The following POLN variants were observed in gnomAD, a reference collection of about 807,000 sequenced individuals.
POLN encodes DNA polymerase nu, also known as DNA polymerase N.
In POLN, 108 loss-of-function variants were observed where a neutral mutation model predicts 113.5. That is an observed-to-expected ratio of 0.95 (90% CI 0.81 to 1.12). The LOEUF (loss-of-function observed/expected upper bound fraction) is 1.12, where lower values mean the gene tolerates loss of function less well. Ranked by LOEUF, POLN falls within the 50% of genes most tolerant of loss-of-function variation. The pLI is 0.00. For synonymous variants in POLN, 386 were observed against 391.5 expected (o/e 0.99, Z 0.17); for missense variants, 1,097 against 1,077.1 (o/e 1.02, Z -0.26).
At chr4:2,077,905 C>T (rs1382381629) in intron 23 of POLN, among the ~76,000 whole-genome samples, 1 of 152,156 alleles carries the variant, frequency 6.6e-6, no homozygotes, top group African/African-American at 2.4e-5. Context: ...TGTTGTGTTC[C>T]GGAAGGGAGT....
chr4:2,211,125 C>CCCAGCTA, intron 4 of POLN, among the ~76,000 whole-genome samples: 1 of 147,722 alleles, frequency 6.8e-6, no homozygotes, highest in East Asian at 2.0e-4. Flanking sequence ...GTGGTGGGCA[C>CCCAGCTA]CTGTAATCCC....
At chr4:2,195,849 A>C (rs764854918) in intron 6 of POLN, among the ~76,000 whole-genome samples, 1 of 152,214 alleles carries the variant, frequency 6.6e-6, no homozygotes, top group Non-Finnish European at 1.5e-5. Context: ...TAGCCACTAA[A>C]TGTGGAAGAA....
intron 2 of POLN, among the ~76,000 whole-genome samples, chr4:2,239,592 T>C (rs975341551): frequency 3.3e-5 from 5 of 152,206 alleles, no homozygotes; most frequent in African/African-American, 1.2e-4. Context: ...GCAATACATC[T>C]ATCCATATAT....
intron 19 of POLN, among the ~76,000 whole-genome samples, chr4:2,123,123 A>C (rs577782945): frequency 1.3e-5 from 2 of 152,140 alleles, no homozygotes; most frequent in South Asian, 4.2e-4. Context: ...AGTGGGAGTG[A>C]GCCACTGCAT....
intron 16 of POLN, among the ~76,000 whole-genome samples, chr4:2,148,683 AG>A (rs1296776935): frequency 6.9e-6 from 1 of 145,800 alleles, no homozygotes; most frequent in Non-Finnish European, 1.5e-5. Flanking sequence ...AAAAAAAAAA[AG>A]TATGTGAATA....
chr4:2,129,100 C>A, intron 18 of POLN, 79 bp downstream of exon 18: 16 of 901,116 alleles, frequency 1.8e-5, no homozygotes, highest in Middle Eastern at 2.3e-4. Context: ...AGAATGAATT[C>A]CATAAGTACC....
chr4:2,096,414 C>G (rs527276923), intron 19 of POLN, among the ~76,000 whole-genome samples: 1 of 152,266 alleles, frequency 6.6e-6, no homozygotes, highest in South Asian at 2.1e-4. Flanking sequence ...CTACAGCATT[C>G]AGATAGAATA....
intron 6 of POLN, 92 bp from the exon 7 acceptor site, chr4:2,193,408 A>AAGTGATAG: frequency 5.4e-6 from 4 of 737,238 alleles, no homozygotes; most frequent in Non-Finnish European, 8.9e-6. Context: ...AACAGCTATC[A>AAGTGATAG]CTTAGATAGC....
chr4:2,073,291 T>A (rs1407175345), intron 24 of POLN, among the ~76,000 whole-genome samples: 1 of 152,192 alleles, frequency 6.6e-6, no homozygotes, highest in Non-Finnish European at 1.5e-5. Flanking sequence ...TGGCCCTCGC[T>A]GCAGCCCCTC....
At chr4:2,229,000 C>A (rs991847125) in intron 3 of POLN, 99 bp downstream of exon 3, 4 of 1,214,510 alleles carry the variant, frequency 3.3e-6, no homozygotes, top group Admixed American at 2.5e-5. Flanking sequence ...GGGAGCTGGG[C>A]TTCATCTGTC....
intron 20 of POLN, chr4:2,090,765 A>G (rs1730646281): frequency 5.5e-6 from 1 of 180,242 alleles, no homozygotes; most frequent in Middle Eastern, 2.3e-3. Flanking sequence ...TAGTGGGAAA[A>G]CACTGAAATC....
intron 3 of POLN, 195 bp downstream of exon 3, chr4:2,228,904 T>A (rs1404999709): frequency 2.2e-6 from 1 of 452,856 alleles, no homozygotes; most frequent in South Asian, 4.3e-5. Flanking sequence ...GAAGAGAGTG[T>A]TACATTTTTA....
At chr4:2,080,081 G>A in intron 23 of POLN, 1 of 985,572 alleles carries the variant, frequency 1.0e-6, no homozygotes, top group Non-Finnish European at 1.2e-6. Flanking sequence ...GTGTCAGAGG[G>A]CGAGGGGCCC....
At chr4:2,178,865 G>T (rs1733062329) in intron 8 of POLN, among the ~76,000 whole-genome samples, 1 of 152,114 alleles carries the variant, frequency 6.6e-6, no homozygotes, top group Non-Finnish European at 1.5e-5. Context: ...GCCCACCTTA[G>T]CCTCCCAAAG....
chr4:2,163,689 C>T (rs1469025518), intron 13 of POLN, among the ~76,000 whole-genome samples: 1 of 152,246 alleles, frequency 6.6e-6, no homozygotes, highest in East Asian at 1.9e-4. Context: ...ACTAGGCTCC[C>T]CCGCCCAATT....
At position 2,242,111 on chromosome 4, in the gene POLN, C is replaced by A. The variant is rs1577807894; in HGVS notation, c.-344G>T. The A allele has an allele frequency of 1.0e-6, 1 of 985,896 alleles. No homozygotes were observed. The highest frequency in any genetic ancestry group is 1.2e-6 in the Non-Finnish European group (1 of 830,258). 61.1% of individuals were successfully genotyped at this position (985,896 alleles called of 1,614,324 possible). A position where few individuals can be genotyped will look rare whatever the true frequency, so the allele number is the denominator to read the frequency against. ...CCGCCACCGCCCTCCGTGCCCCGCGCGCCTCGCACTGCCTCACGGGAGCGC... is the reference window on the plus strand; with the variant it reads ...CCGCCACCGCCCTCCGTGCCCCGCGAGCCTCGCACTGCCTCACGGGAGCGC... On this transcript the variant is annotated 5_prime_UTR_variant, in exon 1 of 26. Coordinates refer to ENST00000511885, the MANE Select transcript of POLN (RefSeq NM_181808.4).
intron 5 of POLN, among the ~76,000 whole-genome samples, chr4:2,205,575 C>G (rs895981620): frequency 6.6e-6 from 1 of 152,056 alleles, no homozygotes; most frequent in Non-Finnish European, 1.5e-5. Flanking sequence ...CTTCACAGAA[C>G]TATAAAAAAC....
At chr4:2,130,668 G>T (rs1347130142) in intron 17 of POLN, among the ~76,000 whole-genome samples, 3 of 152,010 alleles carry the variant, frequency 2.0e-5, no homozygotes, top group Non-Finnish European at 4.4e-5. Flanking sequence ...TTCTTTATTG[G>T]GAGGCTGGTG....
chr4:2,181,373 T>C (rs1034793392), intron 7 of POLN, among the ~76,000 whole-genome samples: 4 of 152,148 alleles, frequency 2.6e-5, no homozygotes, highest in African/African-American at 9.7e-5. Flanking sequence ...CTTAAACTCC[T>C]GACCTCAGTT....
Sources: gnomAD v4.1 joint callset for allele counts (sites outside exome capture counted in the v4.1 genomes callset) on GRCh38, gnomAD v4.1.1 for gene constraint, MANE v1.5 for transcripts, NCBI Gene and HGNC (gene_info 2026-07-23, HGNC 2026-07-21) for gene names.